ATCAY: variants seen among roughly 807,000 people sequenced by gnomAD.
ATCAY encodes caytaxin.
ATCAY carries 22 observed loss-of-function variants against 47.7 expected under a neutral mutation model. The observed-to-expected ratio is 0.46, with a 90% CI of 0.33 to 0.66. The LOEUF is 0.66. ATCAY is among the 30% of genes least tolerant of loss of function. The pLI, the probability that ATCAY is intolerant of heterozygous loss-of-function variation, is 0.02. For missense variants in ATCAY, 452 were observed against 515.0 expected (o/e 0.88, Z 1.18); for synonymous variants, 216 against 207.6 (o/e 1.04, Z -0.35).
At chr19:3,894,003 G>T (rs2038742623) in intron 2 of ATCAY, among the ~76,000 whole-genome samples, 2 of 152,094 alleles carry the variant, frequency 1.3e-5, no homozygotes, top group South Asian at 4.1e-4. Flanking sequence ...TCCATCTGGA[G>T]TGCTCTTGCC....
intron 1 of ATCAY, 81 bp from the exon 2 acceptor site, chr19:3,885,646 G>A (rs1243144860): frequency 4.3e-6 from 3 of 705,428 alleles, no homozygotes; most frequent in East Asian, 2.7e-5. Context: ...GGGAGTGGGA[G>A]GGGGAAGAGC....
intron 2 of ATCAY, among the ~76,000 whole-genome samples, chr19:3,890,006 G>A (rs1288928217): frequency 1.3e-5 from 2 of 149,908 alleles, no homozygotes; most frequent in African/African-American, 2.5e-5. Flanking sequence ...GTGCAGTGGC[G>A]CCATCTCAGC....
chr19:3,905,984 G>A (rs540545731), intron 4 of ATCAY, among the ~76,000 whole-genome samples: 1,909 of 152,000 alleles, frequency 0.013, 42 homozygotes, highest in African/African-American at 0.044. Context: ...CATCCTGGCT[G>A]ACACAGTGAA....
intron 1 of ATCAY, among the ~76,000 whole-genome samples, chr19:3,881,875 C>CCCCCG (rs1338603974): frequency 1.4e-5 from 2 of 146,012 alleles, no homozygotes; most frequent in African/African-American, 5.2e-5. Context: ...CGCCCCCCCC[C>CCCCCG]CGACCCCATA....
intron 8 of ATCAY, 69 bp from the exon 9 acceptor site, chr19:3,913,689 G>C: frequency 8.1e-6 from 10 of 1,239,740 alleles, no homozygotes; most frequent in Non-Finnish European, 1.2e-5. Flanking sequence ...CCATGGCTCT[G>C]TCTGGACCTA....
At chr19:3,905,845 A>G (rs920301034) in intron 4 of ATCAY, among the ~76,000 whole-genome samples, 190 bp downstream of exon 4, 3 of 152,072 alleles carry the variant, frequency 2.0e-5, no homozygotes, top group African/African-American at 7.2e-5. Context: ...TGGACAACAG[A>G]GTGAGACCCT....
At chr19:3,909,731 TC>T (rs902984930) in intron 7 of ATCAY, 114 bp downstream of exon 7, 18 of 1,429,522 alleles carry the variant, frequency 1.3e-5, no homozygotes, top group Admixed American at 1.0e-4. Flanking sequence ...GGTGGGAAGG[TC>T]CCTTGAGCCC....
intron 8 of ATCAY, among the ~76,000 whole-genome samples, chr19:3,912,223 A>T (rs533454664): frequency 6.6e-6 from 1 of 152,294 alleles, no homozygotes; most frequent in East Asian, 1.9e-4. Flanking sequence ...CTGTAATCCC[A>T]ACACTTTGGA....
chr19:3,885,686 T>C, intron 1 of ATCAY, 41 bp from the exon 2 acceptor site: 2 of 1,205,778 alleles, frequency 1.7e-6, no homozygotes, highest in Non-Finnish European at 2.4e-6. Flanking sequence ...TCATTAGGAC[T>C]ATTGTCCAGT....
At chr19:3,895,611 C>T (rs1306242511) in intron 2 of ATCAY, among the ~76,000 whole-genome samples, 1 of 151,970 alleles carries the variant, frequency 6.6e-6, no homozygotes, top group African/African-American at 2.4e-5. Context: ...GAGTTGTGCT[C>T]AGACTCTCTG....
intron 9 of ATCAY, 45 bp from the exon 10 acceptor site, chr19:3,917,697 C>T (rs762215733): frequency 1.2e-6 from 2 of 1,602,984 alleles, no homozygotes; most frequent in African/African-American, 2.7e-5. Flanking sequence ...AAGTATATCT[C>T]AGGGGAAAGG....
At chr19:3,888,462 T>G (rs546031601) in intron 2 of ATCAY, among the ~76,000 whole-genome samples, 66 of 151,982 alleles carry the variant, frequency 4.3e-4, no homozygotes, top group African/African-American at 1.6e-3. Context: ...AAACCCCGTC[T>G]CTACTAAAAA....
chr19:3,918,889 G>A lies in ATCAY; in HGVS notation c.1073+12G>A, dbSNP rs2038991539. On this transcript the variant is annotated intron_variant, in intron 11 of 12. Transcript: ENST00000450849. ...CCAGTGGAAAACAGGTAGGTGTGCA[G>A]GGGACCATGGGCAGAGAGCTGACAG... 1.2e-6 allele frequency: 2 copies of A among 1,613,894 alleles called. No individual in the cohort carries two copies. The highest frequency in any genetic ancestry group is 1.7e-6 in the Non-Finnish European group (2 of 1,179,798).
At chr19:3,914,746 G>T (rs2038952287) in intron 9 of ATCAY, among the ~76,000 whole-genome samples, 1 of 151,720 alleles carries the variant, frequency 6.6e-6, no homozygotes, top group South Asian at 2.1e-4. Context: ...GCTTGAACCT[G>T]GGAGGCAGAG....
At chr19:3,884,996 G>C (rs570716597) in intron 1 of ATCAY, among the ~76,000 whole-genome samples, 1 of 151,808 alleles carries the variant, frequency 6.6e-6, no homozygotes, top group Non-Finnish European at 1.5e-5. Context: ...AGCTACTGGT[G>C]GGGGGCTGAG....
chr19:3,922,112 G>C, intron 12 of ATCAY: 4 of 702,136 alleles, frequency 5.7e-6, no homozygotes, highest in Non-Finnish European at 1.0e-5. Flanking sequence ...TGTTTATAGA[G>C]AGTCAACTAC....
chr19:3,889,529 C>T (rs115060335), intron 2 of ATCAY, among the ~76,000 whole-genome samples: 2,148 of 152,128 alleles, frequency 0.014, 46 homozygotes, highest in African/African-American at 0.05. Flanking sequence ...CTTGGGACAT[C>T]GCAGCAGTGA....
intron 3 of ATCAY, among the ~76,000 whole-genome samples, chr19:3,904,404 G>A (rs1366409762): frequency 6.6e-6 from 1 of 152,170 alleles, no homozygotes; most frequent in Admixed American, 6.6e-5. Flanking sequence ...ATGTGGGTGG[G>A]CCTCATCTAA....
chr19:3,901,182 G>A (rs1347337802), intron 2 of ATCAY, among the ~76,000 whole-genome samples: 1 of 152,106 alleles, frequency 6.6e-6, no homozygotes, highest in Non-Finnish European at 1.5e-5. Flanking sequence ...GATTACAGGC[G>A]TGAGCCACCG....
Sources: allele counts gnomAD v4.1 joint callset (sites outside exome capture counted in the v4.1 genomes callset), GRCh38; gene constraint gnomAD v4.1.1; transcripts MANE v1.5; gene names NCBI Gene and HGNC (gene_info 2026-07-23, HGNC 2026-07-21).